The following ZC3H4 variants were observed in gnomAD, a reference collection of about 807,000 sequenced individuals.
The protein encoded by ZC3H4 is zinc finger CCCH-type containing 4, also known as zinc finger CCCH domain-containing protein 4.
In ZC3H4, 13 loss-of-function variants were observed where a neutral mutation model predicts 108.3. The observed-to-expected ratio is 0.12, with a 90% CI of 0.08 to 0.19. The LOEUF (loss-of-function observed/expected upper bound fraction) is 0.19. Among genes scored for constraint, ZC3H4 ranks in the 10% least tolerant of loss-of-function variants. The pLI, the probability that ZC3H4 is intolerant of heterozygous loss-of-function variation, is 1.00. For missense variants in ZC3H4, 1,734 were observed against 1,838.8 expected, an observed-to-expected ratio of 0.94 and a Z score of 1.04; for synonymous variants, 917 against 749.6, an observed-to-expected ratio of 1.22 and a Z score of -3.65.
chr19:47,099,821 TAAAA>T (rs34876026), intron 2 of ZC3H4, among the ~76,000 whole-genome samples: 13 of 103,154 alleles, frequency 1.3e-4, no homozygotes, highest in South Asian at 6.0e-4. Flanking sequence ...TACAAGAGTT[TAAAA>T]AAAAAAAAAA....
At position 47,086,352 on chromosome 19, in the gene ZC3H4, C is replaced by T. The variant is rs763123585; in HGVS notation, c.870+32G>A. 1.9e-6 allele frequency: 3 copies of T among 1,611,618 alleles called. No homozygotes were observed. In the East Asian group the frequency reaches 6.7e-5, roughly 36 times the overall value. ...GCCCCGGAAAGCCCACCAGCCTCAC[C>T]CCGACGTCCCCAGGGCCAGAGGAAA... On this transcript the variant is annotated intron_variant, in intron 6 of 14. Transcript: ENST00000253048.
chr19:47,074,174 C>T (rs934417215), intron 11 of ZC3H4, among the ~76,000 whole-genome samples: 3 of 152,186 alleles, frequency 2.0e-5, no homozygotes, highest in Non-Finnish European at 4.4e-5. Context: ...TGTGGCTCAA[C>T]GTCACTCAAC....
At position 47,085,141 on chromosome 19, in the gene ZC3H4, C is replaced by G; in HGVS notation, c.1022G>C (p.Arg341Pro). Reference protein sequence around the residue: ...GSRGRGKGMGRGRGRGGSRGG... With the variant: ...GSRGRGKGMGPGRGRGGSRGG... ...TCGGCTGCCACCTCGGCCTCGGCCC[C>G]GACCCATTCCTTTCCCTCGACCTCG... The change falls in exon 8 of 15, where the codon CGG becomes CCG. Residue 341 changes from arginine (R) to proline (P), a missense_variant. Arg to Pro is a moderately radical substitution (Grantham distance 103). Transcript: ENST00000253048. 6.2e-7 allele frequency: 1 copy of G among 1,613,448 alleles called. No homozygotes were observed. Among genetic ancestry groups the G allele is most frequent in the Non-Finnish European group, 8.5e-7 (1 of 1,179,784 alleles).
chr19:47,110,286 A>C (rs1020131445), intron 2 of ZC3H4, among the ~76,000 whole-genome samples: 5 of 152,174 alleles, frequency 3.3e-5, no homozygotes, highest in Admixed American at 6.5e-5. Context: ...GTCTCCTACA[A>C]ATGGACTTGA....
At chr19:47,098,977 A>G (rs2057865345) in intron 2 of ZC3H4, among the ~76,000 whole-genome samples, 1 of 152,178 alleles carries the variant, frequency 6.6e-6, no homozygotes, top group Non-Finnish European at 1.5e-5. Flanking sequence ...TGAATGGGAT[A>G]ACAGCAGCAC....
At chr19:47,098,119 C>T (rs961447550) in intron 2 of ZC3H4, among the ~76,000 whole-genome samples, 3 of 152,228 alleles carry the variant, frequency 2.0e-5, no homozygotes, top group Non-Finnish European at 4.4e-5. Context: ...TGGACGCCCA[C>T]TCTAAGGAAC....
intron 2 of ZC3H4, 40 bp from the exon 3 acceptor site, chr19:47,094,648 G>C: frequency 1.2e-6 from 2 of 1,606,394 alleles, no homozygotes; most frequent in Non-Finnish European, 1.7e-6. Flanking sequence ...CACAGGGTTT[G>C]AGAGGAGACC....
At chr19:47,112,368 T>A (rs895071302) in intron 2 of ZC3H4, 56 bp downstream of exon 2, 2 of 1,226,526 alleles carry the variant, frequency 1.6e-6, no homozygotes, top group Non-Finnish European at 2.0e-6. Context: ...CCCCCCTTCC[T>A]CCTCCTCCTC....
Position 47,072,204 on chromosome 19 carries a change from GA to G in ZC3H4, c.1803-84del. On this transcript the variant is annotated intron_variant, in intron 12 of 14. Coordinates refer to ENST00000253048, the MANE Select transcript of ZC3H4 (RefSeq NM_015168.2). This position sits in a 1 kb window ranked among gnomAD's most constrained non-coding sequence, Gnocchi z 5.6. The stretch of plus-strand genomic sequence containing the variant: ...CCCAGAGGAGAGGCGGAGGGCTGCA[GA>G]GCCGAAGGTCATGGGCCCCAGACCA... 1 of 1,415,846 alleles carries G rather than the reference GA, an allele frequency of 7.1e-7. No individual in the cohort carries two copies. The highest frequency in any genetic ancestry group is 1.4e-5 in the South Asian group (1 of 69,964). 87.7% of individuals were successfully genotyped at this position (1,415,846 alleles called of 1,614,324 possible). A position where few individuals can be genotyped will look rare whatever the true frequency, so the allele number is the denominator to read the frequency against.
At chr19:47,112,168 CAA>C (rs2058047501) in intron 2 of ZC3H4, 3 of 1,160,342 alleles carry the variant, frequency 2.6e-6, no homozygotes, top group African/African-American at 1.6e-5. Context: ...GCATGGCGCC[CAA>C]AAAAGACAGA....
chr19:47,072,504 TG>T lies in ZC3H4; in HGVS notation c.1649del (p.Pro550HisfsTer51). 6.0e-6 allele frequency: 1 copy of T among 165,788 alleles called. No homozygotes were observed. The highest frequency in any genetic ancestry group is 7.5e-6 in the Non-Finnish European group (1 of 133,304). 10.3% of individuals were successfully genotyped at this position (165,788 alleles called of 1,614,324 possible). A position where few individuals can be genotyped will look rare whatever the true frequency, so the allele number is the denominator to read the frequency against. The stretch of plus-strand genomic sequence containing the variant: ...TGGGCATCTGAGGGGGCCCGGGCGG[TG>T]GGGGAGGGGGAGGGGGCGGGGGCGG... ...GPPPPPPPPP[P>X]PPGPPQMPMP... On this transcript the variant is annotated frameshift_variant, in exon 12 of 15. Transcript: ENST00000253048. LOFTEE classifies it high-confidence loss of function. The surrounding 1 kb of genome is among the most constrained non-coding windows in gnomAD (Gnocchi z 5.6).
chr19:47,073,634 T>C (rs2057367422), intron 11 of ZC3H4, among the ~76,000 whole-genome samples: 1 of 152,200 alleles, frequency 6.6e-6, no homozygotes, highest in Admixed American at 6.5e-5. Flanking sequence ...CAATGTTATG[T>C]AACCGCCACC....
At position 47,066,995 on chromosome 19, in the gene ZC3H4, G is replaced by A. The variant is rs1374101687; in HGVS notation, c.3273C>T (p.Ser1091=). 4.4e-6 allele frequency: 7 copies of A among 1,589,420 alleles called. No individual in the cohort carries two copies. Among genetic ancestry groups the A allele is most frequent in the East Asian group, 4.5e-5 (2 of 44,466 alleles). The change falls in exon 15 of 15, where the codon TCC becomes TCT. Residue 1091 remains serine (S), a synonymous_variant. Coordinates refer to ENST00000253048, the MANE Select transcript of ZC3H4 (RefSeq NM_015168.2). ...RLQKPTDSTA[S]SRAAKPGPAE... Reference sequence around the variant, plus strand: ...CAGGGCCGGGCTTGGCAGCCCGGGAGGAGGCCGTAGAGTCTGTGGGTTTCT... The same window carrying A: ...CAGGGCCGGGCTTGGCAGCCCGGGAAGAGGCCGTAGAGTCTGTGGGTTTCT...
intron 1 of ZC3H4, among the ~76,000 whole-genome samples, chr19:47,112,894 T>G (rs1600126718): frequency 1.4e-5 from 2 of 142,414 alleles, no homozygotes; most frequent in South Asian, 2.4e-4. Flanking sequence ...CGGACACTGG[T>G]GGGTGGTTGG....
intron 11 of ZC3H4, among the ~76,000 whole-genome samples, chr19:47,079,345 A>G (rs1361842352): frequency 1.3e-5 from 2 of 151,816 alleles, no homozygotes; most frequent in Non-Finnish European, 2.9e-5. Context: ...CACTTCAAAA[A>G]AGAAAAAAAA....
intron 11 of ZC3H4, among the ~76,000 whole-genome samples, chr19:47,073,854 T>TGCTAC (rs1295358616): frequency 1.3e-5 from 2 of 152,236 alleles, no homozygotes; most frequent in South Asian, 2.1e-4. Context: ...TCTACAACAC[T>TGCTAC]GCTACATCTA....
chr19:47,091,625 C>T (rs180971825), intron 4 of ZC3H4, among the ~76,000 whole-genome samples: 8 of 150,632 alleles, frequency 5.3e-5, no homozygotes, highest in South Asian at 2.1e-4. Context: ...TGGTAGCTCA[C>T]GCCTGTAATC....
At chr19:47,112,201 G>A in intron 2 of ZC3H4, 1 of 1,208,248 alleles carries the variant, frequency 8.3e-7, no homozygotes, top group African/African-American at 1.6e-5. Flanking sequence ...GGGAGAGCGG[G>A]CGAGCGCCGC....
chr19:47,067,990 C>G lies in ZC3H4; in HGVS notation c.2399-121G>C. 1 of 998,104 alleles carries G rather than the reference C, an allele frequency of 1.0e-6. No individual in the cohort carries two copies. The highest frequency in any genetic ancestry group is 1.5e-6 in the Non-Finnish European group (1 of 676,810). The allele number at this position is 998,104 out of a possible 1,614,324, so 61.8% of individuals were successfully genotyped here. ...CTTGTGCCTCTCAGAACCTCAGGTCCTCCTCTCTAAGGCTCCCTCCCCACA... is the reference window on the plus strand; with the variant it reads ...CTTGTGCCTCTCAGAACCTCAGGTCGTCCTCTCTAAGGCTCCCTCCCCACA... On this transcript the variant is annotated intron_variant, in intron 14 of 14. Coordinates refer to ENST00000253048, the MANE Select transcript of ZC3H4 (RefSeq NM_015168.2). The surrounding 1 kb of genome is among the most constrained non-coding windows in gnomAD (Gnocchi z 6.4).
Sources: gnomAD v4.1 joint callset for allele counts (sites outside exome capture counted in the v4.1 genomes callset) on GRCh38, gnomAD v4.1.1 for gene constraint, Gnocchi (gnomAD v3.1) non-coding constraint, MANE v1.5 for transcripts, NCBI Gene and HGNC (gene_info 2026-07-23, HGNC 2026-07-21) for gene names.